EVL: variants seen among roughly 807,000 people sequenced by gnomAD.
The protein encoded by EVL is ena/VASP-like protein.
In EVL, 21 loss-of-function variants were observed where a neutral mutation model predicts 59.6. The observed-to-expected ratio is 0.35, with a 90% CI of 0.25 to 0.51. The LOEUF (loss-of-function observed/expected upper bound fraction) is 0.51. Ranked by LOEUF, EVL falls within the 20% of genes least tolerant of loss-of-function variation. The probability of loss-of-function intolerance (pLI) is 0.97; values close to 1 mark genes in which losing one functional copy is unlikely to be tolerated. For missense variants in EVL, 462 were observed against 546.6 expected, an observed-to-expected ratio of 0.85 and a Z score of 1.54; for synonymous variants, 198 against 203.5, an observed-to-expected ratio of 0.97 and a Z score of 0.23.
chr14:99,978,324 C>T (rs2140168427), intron 1 of EVL, among the ~76,000 whole-genome samples: 1 of 151,868 alleles, frequency 6.6e-6, no homozygotes, highest in South Asian at 2.1e-4. Flanking sequence ...ATGGCGCGAA[C>T]CCGGGAGGCG....
chr14:100,067,353 A>G (rs946383189), intron 1 of EVL, among the ~76,000 whole-genome samples: 3 of 152,238 alleles, frequency 2.0e-5, no homozygotes, highest in Admixed American at 6.5e-5. Flanking sequence ...CTACCCACCA[A>G]TCAAGAAACA....
intron 1 of EVL, among the ~76,000 whole-genome samples, chr14:100,005,658 CA>C (rs1397018252): frequency 2.0e-5 from 3 of 151,662 alleles, no homozygotes; most frequent in Admixed American, 6.6e-5. Context: ...CACACACACA[CA>C]CACACACACA....
chr14:99,979,436 G>C (rs776743578), intron 1 of EVL, among the ~76,000 whole-genome samples: 1 of 151,500 alleles, frequency 6.6e-6, no homozygotes. Flanking sequence ...CCATATTTCT[G>C]ACATTTAAGT....
intron 1 of EVL, among the ~76,000 whole-genome samples, chr14:99,995,264 A>G (rs923625151): frequency 1.3e-5 from 2 of 152,008 alleles, no homozygotes; most frequent in African/African-American, 2.4e-5. Context: ...CATTATTTAC[A>G]TGTTATTTCA....
At position 100,114,690 on chromosome 14, in the gene EVL, CACTGGG is replaced by C. The variant is rs1887217713; in HGVS notation, c.359-8844_359-8839del. On this transcript the variant is annotated intron_variant, in intron 3 of 13. Transcript: ENST00000392920. This position sits in a 1 kb window ranked among gnomAD's most constrained non-coding sequence, Gnocchi z 5.0. The stretch of plus-strand genomic sequence containing the variant: ...GGCCTTCCACTGCTTTTGCTTCTGC[CACTGGG>C]ACTGCACCGTGCTTTGCAGAGTGAG... 1 of 152,462 alleles carries C rather than the reference CACTGGG, an allele frequency of 6.6e-6. No homozygotes were observed. Among genetic ancestry groups the C allele is most frequent in the South Asian group, 2.1e-4 (1 of 4,826 alleles). The allele number at this position is 152,462 out of a possible 1,614,324, so 9.4% of individuals were successfully genotyped here. A position where few individuals can be genotyped will look rare whatever the true frequency, so the allele number is the denominator to read the frequency against.
chr14:100,137,851 T>C, intron 11 of EVL, 49 bp downstream of exon 11: 1 of 1,567,636 alleles, frequency 6.4e-7, no homozygotes, highest in Non-Finnish European at 8.8e-7. Flanking sequence ...TTGGGGCTCC[T>C]CTGTCCCCCG....
In EVL at chr14:100,084,909, C is replaced by T. The variant is rs142193644; in HGVS notation, c.180+54C>T. The T allele has an allele frequency of 5.4e-3, 8,586 of 1,584,368 alleles. 26 individuals are homozygous for T. The highest frequency in any genetic ancestry group is 6.5e-3 in the Non-Finnish European group (7,573 of 1,159,376). ...GTGAGCCTGCGCACCACCTCCTCAC[C>T]GCCCACCCCTTACACACATGTATCA... is the stretch of plus-strand genomic sequence containing the variant. On this transcript the variant is annotated intron_variant, in intron 2 of 13. Transcript: ENST00000392920.
intron 1 of EVL, among the ~76,000 whole-genome samples, chr14:100,044,427 T>C (rs1030709397): frequency 6.6e-6 from 1 of 152,190 alleles, no homozygotes; most frequent in African/African-American, 2.4e-5. Flanking sequence ...CAATAAACCC[T>C]TAATCCAGAA....
chr14:100,048,773 TTAAC>T (rs2061598356), intron 1 of EVL, among the ~76,000 whole-genome samples: 1 of 152,158 alleles, frequency 6.6e-6, no homozygotes, highest in Non-Finnish European at 1.5e-5. Context: ...ACACTAATTA[TTAAC>T]TAACACAACA....
At chr14:100,139,697 T>G (rs1889040624) in intron 11 of EVL, 1 of 152,300 alleles carries the variant, frequency 6.6e-6, no homozygotes, top group Non-Finnish European at 1.5e-5. Flanking sequence ...GTCCTCAGTG[T>G]CACCAGATGG....
chr14:100,055,100 G>A (rs766028329), intron 1 of EVL, among the ~76,000 whole-genome samples: 8 of 151,834 alleles, frequency 5.3e-5, no homozygotes, highest in South Asian at 4.2e-4. Context: ...TTGGGAGGCC[G>A]AGGCAGGAGA....
intron 1 of EVL, among the ~76,000 whole-genome samples, chr14:99,993,488 A>G (rs2060889208): frequency 6.6e-6 from 1 of 152,114 alleles, no homozygotes; most frequent in Non-Finnish European, 1.5e-5. Flanking sequence ...TATCAGATTA[A>G]TGCTGACCTA....
chr14:100,037,349 G>A (rs1449916899), intron 1 of EVL, among the ~76,000 whole-genome samples: 2 of 152,210 alleles, frequency 1.3e-5, no homozygotes, highest in African/African-American at 2.4e-5. Context: ...TTCCAGGAAA[G>A]CCTTTCTAAC....
intron 3 of EVL, among the ~76,000 whole-genome samples, chr14:100,122,083 G>A (rs543695844): frequency 1.2e-4 from 19 of 152,340 alleles, no homozygotes; most frequent in African/African-American, 2.9e-4. Flanking sequence ...TGCAAGTCCC[G>A]GACGTGGAGC....
Position 100,128,589 on chromosome 14 carries a change from G to GGCCC in EVL, c.558_559insGCCC (p.Pro187AlafsTer112). On this transcript the variant is annotated frameshift_variant, in exon 6 of 14. Coordinates refer to ENST00000392920, the MANE Select transcript of EVL (RefSeq NM_016337.3). LOFTEE classifies it high-confidence loss of function. ...CCGTCTCATGTAGTGGGCCTCCACC[G>GGCCC]CCCCCCCCACCCCCAGTCCCACCTC... The GGCCC allele has an allele frequency of 1.2e-6, 1 of 831,698 alleles. No individual in the cohort carries two copies. Among genetic ancestry groups the GGCCC allele is most frequent in the Non-Finnish European group, 1.7e-6 (1 of 590,736 alleles). 51.5% of individuals were successfully genotyped at this position (831,698 alleles called of 1,614,324 possible).
At chr14:99,994,313 T>G (rs1484894541) in intron 1 of EVL, among the ~76,000 whole-genome samples, 1 of 151,986 alleles carries the variant, frequency 6.6e-6, no homozygotes, top group Non-Finnish European at 1.5e-5. Context: ...TTGTTAATAG[T>G]TTTTCTGTAT....
rs188308968 is a variant in EVL, at chr14:99,978,910, G to T, written c.5+6853G>T. Among the ~76,000 whole-genome samples, 12 of 152,248 alleles carry T rather than the reference G, an allele frequency of 7.9e-5. No homozygotes were observed. In the East Asian group the frequency reaches 2.1e-3, roughly 27 times the overall value. ...ATTCTAACAAGTGAGCTAAACACTC[G>T]AGGCACATGTCCACTTATTTTAGCA... On this transcript the variant is annotated intron_variant, in intron 1 of 13. Coordinates refer to the EVL transcript ENST00000402714.
intron 3 of EVL, among the ~76,000 whole-genome samples, chr14:100,120,698 G>A (rs1340438893): frequency 6.6e-6 from 1 of 152,184 alleles, no homozygotes; most frequent in African/African-American, 2.4e-5. Context: ...GAGGACTGTC[G>A]GGGAGGCGCA....
chr14:100,096,053 AGTGTACT>A (rs1885788506), intron 2 of EVL, among the ~76,000 whole-genome samples: 1 of 152,008 alleles, frequency 6.6e-6, no homozygotes, highest in South Asian at 2.1e-4. Flanking sequence ...TAGCTGATTT[AGTGTACT>A]GTGTGTGTGT....
Sources: allele counts gnomAD v4.1 joint callset (sites outside exome capture counted in the v4.1 genomes callset), GRCh38; gene constraint gnomAD v4.1.1; non-coding constraint Gnocchi (gnomAD v3.1); transcripts MANE v1.5; gene names NCBI Gene and HGNC (gene_info 2026-07-23, HGNC 2026-07-21).